Variants in GNLY observed in about 807,000 individuals in gnomAD.
GNLY encodes the protein granulysin, also known as T-cell activation protein 519.
GNLY carries 15 observed loss-of-function variants against 18.5 expected under a neutral mutation model. The ratio of observed to expected loss-of-function variants is 0.81; its 90% CI spans 0.54 to 1.25. The LOEUF (loss-of-function observed/expected upper bound fraction) is 1.25. Among genes scored for constraint, GNLY ranks in the 50% most tolerant of loss-of-function variants. The pLI, the probability that GNLY is intolerant of heterozygous loss-of-function variation, is 0.00. For missense variants in GNLY, 178 were observed against 186.9 expected, an observed-to-expected ratio of 0.95 and a Z score of 0.28; for synonymous variants, 77 against 74.9, an observed-to-expected ratio of 1.03 and a Z score of -0.14.
Position 85,697,530 on chromosome 2 carries a change from C to T in GNLY, c.280C>T (p.Arg94Trp), listed in dbSNP as rs770952402. 26 of 1,612,720 alleles carry T rather than the reference C, an allele frequency of 1.6e-5. No homozygotes were observed. The highest frequency in any genetic ancestry group is 2.2e-5 in the East Asian group (1 of 44,902). ...TQRSVSNAAT[R>W]VCRTGRSRWR... is the part of the protein sequence containing the mutation. ...GAGAAGTGTTTCCAATGCTGCGACC[C>T]GGGTGTGTAGGACGGGGAGGTCACG... The change falls in exon 4 of 5, where the codon CGG becomes TGG. Residue 94 changes from arginine (R) to tryptophan (W), a missense_variant. Coordinates refer to ENST00000263863, the MANE Select transcript of GNLY (RefSeq NM_006433.5).
chr2:85,697,008 G>C (rs11887686), intron 3 of GNLY: 2 of 161,472 alleles, frequency 1.2e-5, no homozygotes, highest in African/African-American at 4.8e-5. Context: ...CTGCAGGCTC[G>C]CACTTAGCCC....
chr2:85,695,134 G>T (rs528760040), intron 1 of GNLY, 186 bp from the exon 2 acceptor site: 1 of 936,274 alleles, frequency 1.1e-6, no homozygotes, highest in Non-Finnish European at 1.7e-6. Context: ...GTGAGAACAC[G>T]TGTTTGTGCT....
At chr2:85,694,794 A>C (rs1678374209) in intron 1 of GNLY, 27 of 1,449,596 alleles carry the variant, frequency 1.9e-5, no homozygotes, top group Non-Finnish European at 2.3e-5. Flanking sequence ...ATTGGCCCTC[A>C]TCGGTGGATC....
rs1312591206 is a variant in GNLY, at chr2:85,698,680, C to G, written c.*106C>G. On this transcript the variant is annotated 3_prime_UTR_variant, in exon 5 of 5. Transcript: ENST00000263863. ...TCGCTTCCTCGATCCAGAATCCACT[C>G]TCCAGTCTCCCTCCCCTGACTCCCT... is the stretch of plus-strand genomic sequence containing the variant. The G allele has an allele frequency of 6.2e-7, 1 of 1,605,586 alleles. No individual in the cohort carries two copies. The highest frequency in any genetic ancestry group is 2.2e-5 in the East Asian group (1 of 44,784).
chr2:85,697,491 G>GTGC lies in GNLY; in HGVS notation c.256-5_256-3dup, dbSNP rs764432149. 7.4e-6 allele frequency: 12 copies of GTGC among 1,610,968 alleles called. No individual in the cohort carries two copies. The highest frequency in any genetic ancestry group is 1.0e-5 in the Non-Finnish European group (12 of 1,178,870). On this transcript the variant is annotated splice_polypyrimidine_tract_variant and intron_variant, in intron 3 of 4. Coordinates refer to ENST00000263863, the MANE Select transcript of GNLY (RefSeq NM_006433.5). ...TCACCCTATAACCATGTCCACTGTG[G>GTGC]TGCTGCTGCTGCAGAGAAGTGTTTC...
intron 3 of GNLY, chr2:85,696,279 C>T: frequency 1.9e-6 from 1 of 515,632 alleles, no homozygotes; most frequent in Non-Finnish European, 3.5e-6. Flanking sequence ...GCAGAGTATA[C>T]ATGGTTTTCA....
intron 1 of GNLY, chr2:85,695,108 G>C: frequency 8.9e-7 from 1 of 1,127,896 alleles, no homozygotes; most frequent in Non-Finnish European, 1.3e-6. Context: ...CGCCCTCCTG[G>C]CTTTCTAGAA....
intron 4 of GNLY, among the ~76,000 whole-genome samples, chr2:85,698,161 G>C (rs1221062888): frequency 6.6e-6 from 1 of 152,204 alleles, no homozygotes; most frequent in Non-Finnish European, 1.5e-5. Flanking sequence ...CCTGGGCCCT[G>C]AGATCTGGGC....
intron 2 of GNLY, among the ~76,000 whole-genome samples, chr2:85,695,743 G>A (rs998468033): frequency 1.3e-5 from 2 of 152,130 alleles, no homozygotes; most frequent in African/African-American, 4.8e-5. Context: ...GGGGGTGTGG[G>A]AGGCTGTTTC....
Position 85,694,424 on chromosome 2 carries a change from T to A in GNLY, c.6T>A (p.Ala2=). 6.2e-7 allele frequency: 1 copy of A among 1,614,072 alleles called. No homozygotes were observed. The highest frequency in any genetic ancestry group is 1.1e-5 in the South Asian group (1 of 91,074). ...ATCTCAGCGGCTGCCCCACCATGGC[T>A]ACCTGGGCCCTCCTGCTCCTTGCAG... M[A]TWALLLLAAM... is the part of the protein sequence containing the mutation. The change falls in exon 1 of 5, where the codon GCT becomes GCA. Residue 2 remains alanine, a synonymous_variant. Coordinates refer to ENST00000263863, the MANE Select transcript of GNLY (RefSeq NM_006433.5).
Position 85,698,728 on chromosome 2 carries a change from G to C in GNLY, c.*154G>C. On this transcript the variant is annotated 3_prime_UTR_variant, in exon 5 of 5. Transcript: ENST00000263863. ...CCTCTGCTGTCCTCCCCTCTCACGAGAATAAAGTGTCAAGCAAGATTTTAG... is the reference window on the plus strand; with the variant it reads ...CCTCTGCTGTCCTCCCCTCTCACGACAATAAAGTGTCAAGCAAGATTTTAG... 6.5e-7 allele frequency: 1 copy of C among 1,550,172 alleles called. No individual in the cohort carries two copies. Among genetic ancestry groups the C allele is most frequent in the Non-Finnish European group, 8.7e-7 (1 of 1,152,712 alleles).
At position 85,697,536 on chromosome 2, in the gene GNLY, T is replaced by C. The variant is rs1558589302; in HGVS notation, c.286T>C (p.Cys96Arg). 2.5e-6 allele frequency: 4 copies of C among 1,612,970 alleles called. No homozygotes were observed. The highest frequency in any genetic ancestry group is 3.4e-6 in the Non-Finnish European group (4 of 1,179,952). ...TGTTTCCAATGCTGCGACCCGGGTG[T>C]GTAGGACGGGGAGGTCACGATGGCG... The part of the protein sequence containing the change: ...RSVSNAATRV[C>R]RTGRSRWRDV... The change falls in exon 4 of 5, where the codon TGT (cysteine) becomes CGT (arginine). Residue 96 changes from cysteine to arginine, a missense_variant. Cys to Arg is a radical substitution (Grantham distance 180). Coordinates refer to ENST00000263863, the MANE Select transcript of GNLY (RefSeq NM_006433.5).
intron 1 of GNLY, 141 bp downstream of exon 1, chr2:85,694,611 G>GC (rs55813598): frequency 1 from 987,251 of 987,306 alleles, 493,598 homozygotes; most frequent in Middle Eastern, 1. Context: ...TGGAGGCCTG[G>GC]CCTCCCCTCA....
Position 85,698,649 on chromosome 2 carries a change from G to A in GNLY, c.*75G>A, listed in dbSNP as rs373273944. The stretch of plus-strand genomic sequence containing the variant: ...CCCGGGAACCTCAGCAACCTCTGCC[G>A]GCTCCTCGCTTCCTCGATCCAGAAT... On this transcript the variant is annotated 3_prime_UTR_variant, in exon 5 of 5. Transcript: ENST00000263863. 1.1e-5 allele frequency: 17 copies of A among 1,610,732 alleles called. No individual in the cohort carries two copies. In the South Asian group the frequency reaches 1.3e-4, roughly 12 times the overall value.
intron 1 of GNLY, chr2:85,694,792 T>G: frequency 6.9e-7 from 1 of 1,448,998 alleles, no homozygotes; most frequent in South Asian, 1.5e-5. Flanking sequence ...CCATTGGCCC[T>G]CATCGGTGGA....
chr2:85,698,055 G>A (rs149668900), intron 4 of GNLY, among the ~76,000 whole-genome samples: 2 of 152,356 alleles, frequency 1.3e-5, no homozygotes, highest in African/African-American at 4.8e-5. Flanking sequence ...CTCAGACTGA[G>A]GCTATTCAAG....
Position 85,694,385 on chromosome 2 carries a change from AGG to A in GNLY, c.-32_-31del, listed in dbSNP as rs1165313588. The A allele has an allele frequency of 1.2e-6, 2 of 1,605,110 alleles. No homozygotes were observed. Among genetic ancestry groups the A allele is most frequent in the Non-Finnish European group, 1.7e-6 (2 of 1,172,154 alleles). On this transcript the variant is annotated 5_prime_UTR_variant, in exon 1 of 5. Transcript: ENST00000263863. ...GCTGCAGGCTCCCTGCCCATAAAAC[AGG>A]GTGTGAAAGGCATCTCAGCGGCTGC... is the stretch of plus-strand genomic sequence containing the variant.
chr2:85,694,514 C>T, intron 1 of GNLY, 44 bp downstream of exon 1: 1 of 1,580,438 alleles, frequency 6.3e-7, no homozygotes, highest in South Asian at 1.1e-5. Flanking sequence ...CCCACCCAGC[C>T]TCGCACTCTC....
chr2:85,696,140 G>A (rs773674970), intron 3 of GNLY, 84 bp downstream of exon 3: 5 of 737,760 alleles, frequency 6.8e-6, no homozygotes, highest in East Asian at 2.7e-5. Context: ...CGGGGAGCCC[G>A]GGGGCACCTT....
Sources: allele counts gnomAD v4.1 joint callset (sites outside exome capture counted in the v4.1 genomes callset), GRCh38; gene constraint gnomAD v4.1.1; transcripts MANE v1.5; gene names NCBI Gene and HGNC (gene_info 2026-07-23, HGNC 2026-07-21).